The following ZNF521 variants were observed in gnomAD, a reference collection of about 807,000 sequenced individuals.
ZNF521 encodes LYST-interacting protein 3.
A neutral mutation model predicts 105.5 loss-of-function variants in ZNF521; 14 were observed. That is an observed-to-expected ratio of 0.13 (90% CI 0.09 to 0.21). The LOEUF is 0.21. ZNF521 is among the 10% of genes least tolerant of loss of function. ZNF521 has a pLI of 1.00. For missense variants in ZNF521, 1,233 were observed against 1,629.7 expected (o/e 0.76, Z 4.19); for synonymous variants, 635 against 606.0 (o/e 1.05, Z -0.70).
At chr18:25,180,657 C>A (rs1272409023) in intron 5 of ZNF521, among the ~76,000 whole-genome samples, 1 of 152,054 alleles carries the variant, frequency 6.6e-6, no homozygotes, top group South Asian at 2.1e-4. Context: ...ATGAGTTACT[C>A]AAAATTCATA....
chr18:25,175,516 G>A (rs115809057), intron 5 of ZNF521, among the ~76,000 whole-genome samples: 19 of 152,120 alleles, frequency 1.2e-4, no homozygotes, highest in Non-Finnish European at 2.1e-4. Context: ...CTGTCATACC[G>A]GAGGATTTAA....
intron 5 of ZNF521, among the ~76,000 whole-genome samples, chr18:25,120,352 G>A (rs2144344086): frequency 6.6e-6 from 1 of 152,286 alleles, no homozygotes; most frequent in Admixed American, 6.5e-5. Context: ...GGAGGCCAAG[G>A]TGGGCAGATC....
At chr18:25,066,178 T>C (rs2144103028) in intron 7 of ZNF521, among the ~76,000 whole-genome samples, 1 of 152,158 alleles carries the variant, frequency 6.6e-6, no homozygotes, top group South Asian at 2.1e-4. Context: ...CCCAACAGAG[T>C]GCTATGGCAG....
intron 5 of ZNF521, among the ~76,000 whole-genome samples, chr18:25,171,748 G>T (rs192688795): frequency 8.5e-5 from 13 of 152,204 alleles, no homozygotes; most frequent in Non-Finnish European, 1.5e-4. Context: ...ATAGGGTTCA[G>T]AGTTAATTCA....
intron 3 of ZNF521, among the ~76,000 whole-genome samples, chr18:25,296,976 AT>A (rs1472555095): frequency 1.3e-5 from 2 of 152,088 alleles, no homozygotes; most frequent in African/African-American, 4.8e-5. Flanking sequence ...AAAAAGTCTT[AT>A]GTTTTTCTGT....
At chr18:25,162,151 G>A (rs1336179801) in intron 5 of ZNF521, among the ~76,000 whole-genome samples, 1 of 152,112 alleles carries the variant, frequency 6.6e-6, no homozygotes, top group Non-Finnish European at 1.5e-5. Flanking sequence ...AGAGAACAAT[G>A]ACTGTGTTCC....
chr18:25,197,182 T>C (rs1347519863), intron 4 of ZNF521, among the ~76,000 whole-genome samples: 1 of 151,844 alleles, frequency 6.6e-6, no homozygotes, highest in Admixed American at 6.6e-5. Context: ...ACATTAATTC[T>C]CTCCACTCAT....
intron 3 of ZNF521, among the ~76,000 whole-genome samples, chr18:25,234,712 T>C (rs1024567350): frequency 2.6e-5 from 4 of 152,168 alleles, no homozygotes; most frequent in African/African-American, 9.7e-5. Context: ...TGATAAGTGG[T>C]AAATGATAAC....
intron 5 of ZNF521, among the ~76,000 whole-genome samples, chr18:25,178,840 A>G (rs2035578070): frequency 6.6e-6 from 1 of 152,182 alleles, no homozygotes; most frequent in Admixed American, 6.5e-5. Context: ...TCCCACAGTG[A>G]GCAACTTGTG....
intron 2 of ZNF521, among the ~76,000 whole-genome samples, chr18:25,346,398 T>C (rs1341606845): frequency 1.3e-5 from 2 of 152,190 alleles, no homozygotes; most frequent in Non-Finnish European, 2.9e-5. Context: ...TTCTATTAAA[T>C]TTCAGGGCCA....
At chr18:25,237,128 C>A (rs1906951282) in intron 3 of ZNF521, among the ~76,000 whole-genome samples, 1 of 152,034 alleles carries the variant, frequency 6.6e-6, no homozygotes, top group South Asian at 2.1e-4. Flanking sequence ...TTGGTAACAG[C>A]CCTGGTAATT....
chr18:25,268,238 A>G (rs1409696019), intron 3 of ZNF521, among the ~76,000 whole-genome samples: 1 of 152,180 alleles, frequency 6.6e-6, no homozygotes, highest in African/African-American at 2.4e-5. Context: ...GAAGTAAGAA[A>G]GAATGAAAAG....
At chr18:25,339,584 T>C (rs1388778056) in intron 2 of ZNF521, among the ~76,000 whole-genome samples, 2 of 152,224 alleles carry the variant, frequency 1.3e-5, no homozygotes, top group African/African-American at 4.8e-5. Context: ...GCTAGCACTC[T>C]TAGACTGCTA....
chr18:25,344,650 G>A (rs553648375), intron 2 of ZNF521, among the ~76,000 whole-genome samples: 5 of 152,322 alleles, frequency 3.3e-5, no homozygotes, highest in African/African-American at 1.2e-4. Context: ...CAGGTTTGAC[G>A]TGGAATATCA....
intron 5 of ZNF521, among the ~76,000 whole-genome samples, chr18:25,190,227 A>T (rs566499302): frequency 4.6e-5 from 7 of 152,186 alleles, no homozygotes; most frequent in African/African-American, 1.7e-4. Flanking sequence ...AATTCTCTGA[A>T]TTTTGTAAGC....
At chr18:25,192,802 A>G (rs1600139583) in intron 5 of ZNF521, among the ~76,000 whole-genome samples, 1 of 152,090 alleles carries the variant, frequency 6.6e-6, no homozygotes, top group Middle Eastern at 3.4e-3. Context: ...TAAATAGCAC[A>G]TTGGAATTCT....
intron 3 of ZNF521, among the ~76,000 whole-genome samples, chr18:25,246,186 G>GCA: frequency 6.6e-6 from 1 of 151,912 alleles, no homozygotes; most frequent in East Asian, 1.9e-4. Flanking sequence ...TAACAAACCT[G>GCA]CACGTTGTGC....
chr18:25,342,280 C>T (rs1041766041), intron 2 of ZNF521, among the ~76,000 whole-genome samples: 1 of 152,148 alleles, frequency 6.6e-6, no homozygotes, highest in Non-Finnish European at 1.5e-5. Flanking sequence ...AACCCCAAAC[C>T]CCCCTATGTA....
intron 5 of ZNF521, among the ~76,000 whole-genome samples, chr18:25,128,350 A>G (rs2034575077): frequency 6.6e-6 from 1 of 151,970 alleles, no homozygotes; most frequent in Non-Finnish European, 1.5e-5. Flanking sequence ...AAAATCTATA[A>G]CTAACATCAT....
Sources: gnomAD v4.1 joint callset for allele counts (sites outside exome capture counted in the v4.1 genomes callset) on GRCh38, gnomAD v4.1.1 for gene constraint, MANE v1.5 for transcripts, NCBI Gene and HGNC (gene_info 2026-07-23, HGNC 2026-07-21) for gene names.